Variants in TTLL11 observed in about 807,000 individuals in gnomAD.
TTLL11 encodes the protein tubulin polyglutamylase TTLL11.
Under a neutral mutation model 51.7 loss-of-function variants are expected in TTLL11, and 42 were observed. The ratio of observed to expected loss-of-function variants is 0.81; its 90% CI spans 0.64 to 1.05. The LOEUF is 1.05. Among genes scored for constraint, TTLL11 ranks in the 50% least tolerant of loss-of-function variants. The pLI is 0.00. For synonymous variants in TTLL11, 381 were observed against 383.5 expected (o/e 0.99, Z 0.08); for missense variants, 799 against 940.4 (o/e 0.85, Z 1.97).
At chr9:121,836,224 G>T (rs1837175671) in intron 8 of TTLL11, among the ~76,000 whole-genome samples, 1 of 152,148 alleles carries the variant, frequency 6.6e-6, no homozygotes, top group Admixed American at 6.5e-5. Context: ...GTGTTAGTTG[G>T]GTGTGGGCAG....
At chr9:121,947,101 C>T (rs1384027152) in intron 6 of TTLL11, among the ~76,000 whole-genome samples, 2 of 152,164 alleles carry the variant, frequency 1.3e-5, no homozygotes, top group Non-Finnish European at 2.9e-5. Context: ...ATGTCCAGGT[C>T]TAACAACCAC....
chr9:121,878,263 A>G (rs1838645100), intron 6 of TTLL11, among the ~76,000 whole-genome samples: 1 of 152,138 alleles, frequency 6.6e-6, no homozygotes, highest in African/African-American at 2.4e-5. Flanking sequence ...GGCTTTCCAC[A>G]AAGCATCAAG....
intron 8 of TTLL11, among the ~76,000 whole-genome samples, chr9:121,826,229 TATATACACGCAC>T (rs1343825562): frequency 1.8e-5 from 2 of 108,632 alleles, no homozygotes; most frequent in Non-Finnish European, 3.8e-5. Context: ...CACACATATA[TATATACACGCAC>T]ATATATATGG....
At chr9:121,826,555 G>GTATATATA (rs1230489015) in intron 8 of TTLL11, among the ~76,000 whole-genome samples, 9 of 48,108 alleles carry the variant, frequency 1.9e-4, no homozygotes, top group African/African-American at 8.5e-4. Context: ...ATATATGTGT[G>GTATATATA]TGTATATATA....
At chr9:121,878,125 C>T (rs923277172) in intron 6 of TTLL11, among the ~76,000 whole-genome samples, 2 of 152,212 alleles carry the variant, frequency 1.3e-5, no homozygotes, top group East Asian at 1.9e-4. Context: ...TACAACTTCA[C>T]TGAACTCATT....
chr9:122,064,811 T>C (rs1564382049), intron 1 of TTLL11, among the ~76,000 whole-genome samples: 1 of 152,080 alleles, frequency 6.6e-6, no homozygotes, highest in Non-Finnish European at 1.5e-5. Flanking sequence ...GGAGAACAAT[T>C]TTTTCTTTCT....
intron 8 of TTLL11, among the ~76,000 whole-genome samples, chr9:121,842,895 C>A (rs1457868123): frequency 2.0e-5 from 3 of 152,140 alleles, no homozygotes; most frequent in Non-Finnish European, 4.4e-5. Flanking sequence ...AGCTGGGTGA[C>A]CTTGGACACA....
At chr9:122,027,094 C>A (rs1844368758) in intron 3 of TTLL11, among the ~76,000 whole-genome samples, 2 of 152,126 alleles carry the variant, frequency 1.3e-5, no homozygotes, top group Admixed American at 1.3e-4. Context: ...AGGAAACTCT[C>A]AATCGTGGCA....
intron 8 of TTLL11, among the ~76,000 whole-genome samples, chr9:121,856,825 G>A (rs1837837570): frequency 6.6e-6 from 1 of 150,434 alleles, no homozygotes; most frequent in Non-Finnish European, 1.5e-5. Context: ...CGAACCCCTT[G>A]GATCCACACC....
At chr9:121,922,879 A>T (rs538689674) in intron 6 of TTLL11, among the ~76,000 whole-genome samples, 85 of 152,324 alleles carry the variant, frequency 5.6e-4, no homozygotes, top group African/African-American at 1.9e-3. Context: ...AAAATGAAAC[A>T]TAAATAGTAA....
rs71508142 is a variant in TTLL11 at position 121,873,831 on chromosome 9, CTTTTTTTT to C, written c.1482-3091_1482-3084del. On this transcript the variant is annotated intron_variant, in intron 6 of 8. Transcript: ENST00000321582. ...CAGGTGTGCACCACCATTAGCCTGA[CTTTTTTTT>C]TTTTTTTTTTTTTTTGAGAGACAGA... Among the ~76,000 whole-genome samples the C allele has an allele frequency of 7.2e-4, 56 of 77,396 alleles. 1 individual carries two copies. Among genetic ancestry groups the C allele is most frequent in the Non-Finnish European group, 9.9e-4 (43 of 43,548 alleles). 50.8% of individuals were successfully genotyped at this position (77,396 alleles called of 152,430 possible). A position where few individuals can be genotyped will look rare whatever the true frequency, so the allele number is the denominator to read the frequency against.
intron 3 of TTLL11, among the ~76,000 whole-genome samples, chr9:122,006,097 T>G (rs1158254722): frequency 6.6e-6 from 1 of 152,196 alleles, no homozygotes; most frequent in Non-Finnish European, 1.5e-5. Flanking sequence ...CCCAGCACTT[T>G]AGGAGGCCAA....
chr9:121,971,623 A>G (rs1842579926), intron 6 of TTLL11, among the ~76,000 whole-genome samples: 1 of 144,280 alleles, frequency 6.9e-6, no homozygotes, highest in Non-Finnish European at 1.5e-5. Flanking sequence ...TTTGTGGAAT[A>G]GAAAGGTGGG....
At chr9:121,832,737 C>T (rs531688390) in intron 8 of TTLL11, among the ~76,000 whole-genome samples, 40 of 152,196 alleles carry the variant, frequency 2.6e-4, no homozygotes, top group African/African-American at 8.7e-4. Context: ...GTCAGGAGTT[C>T]GAGACCAGCC....
intron 6 of TTLL11, among the ~76,000 whole-genome samples, chr9:121,925,393 C>T (rs1042442104): frequency 6.6e-6 from 1 of 152,182 alleles, no homozygotes; most frequent in African/African-American, 2.4e-5. Context: ...CGCTGCCGGG[C>T]CTCCATCCAT....
At chr9:122,088,468 A>C (rs1471181812) in intron 1 of TTLL11, among the ~76,000 whole-genome samples, 1 of 152,236 alleles carries the variant, frequency 6.6e-6, no homozygotes, top group Non-Finnish European at 1.5e-5. Context: ...AATGGAATGC[A>C]TATTTCAAAT....
intron 2 of TTLL11, among the ~76,000 whole-genome samples, chr9:122,032,886 C>T (rs1330539281): frequency 6.6e-6 from 1 of 151,650 alleles, no homozygotes; most frequent in Non-Finnish European, 1.5e-5. Context: ...CCTCCACCTC[C>T]CAGGCTCAAG....
intron 1 of TTLL11, among the ~76,000 whole-genome samples, chr9:122,050,682 G>A (rs1845133949): frequency 6.6e-6 from 1 of 152,116 alleles, no homozygotes; most frequent in African/African-American, 2.4e-5. Context: ...GAAGTGATAA[G>A]CCGTCACTTC....
intron 6 of TTLL11, among the ~76,000 whole-genome samples, chr9:121,941,541 A>G (rs1452526323): frequency 6.6e-6 from 1 of 152,088 alleles, no homozygotes; most frequent in East Asian, 1.9e-4. Flanking sequence ...TCATTGTTTC[A>G]TTGTCAACCG....
Sources: gnomAD v4.1 joint callset for allele counts (sites outside exome capture counted in the v4.1 genomes callset) on GRCh38, gnomAD v4.1.1 for gene constraint, MANE v1.5 for transcripts, NCBI Gene and HGNC (gene_info 2026-07-23, HGNC 2026-07-21) for gene names.